PLCXD3: variants seen among roughly 807,000 people sequenced by gnomAD.
PLCXD3 encodes the protein phosphatidylinositol specific phospholipase C X domain containing 3.
A neutral mutation model predicts 25.5 loss-of-function variants in PLCXD3; 19 were observed. The observed-to-expected ratio is 0.75, with a 90% CI of 0.52 to 1.09. The LOEUF (loss-of-function observed/expected upper bound fraction) is 1.09. Ranked by LOEUF, PLCXD3 falls within the 50% of genes least tolerant of loss-of-function variation. The pLI is 0.00. For missense variants in PLCXD3, 411 were observed against 388.1 expected (o/e 1.06, Z -0.50); for synonymous variants, 174 against 137.6 (o/e 1.26, Z -1.85).
chr5:41,357,765 G>A (rs906322483), intron 2 of PLCXD3, among the ~76,000 whole-genome samples: 1 of 152,110 alleles, frequency 6.6e-6, no homozygotes, highest in Non-Finnish European at 1.5e-5. Flanking sequence ...TAAAAATAAT[G>A]ATATGTATAA....
At chr5:41,424,079 A>G (rs1746892418) in intron 1 of PLCXD3, among the ~76,000 whole-genome samples, 1 of 152,162 alleles carries the variant, frequency 6.6e-6, no homozygotes, top group South Asian at 2.1e-4. Flanking sequence ...GCAAAATTCA[A>G]ACTTTCTACC....
chr5:41,444,864 T>C (rs1240637326), intron 1 of PLCXD3, among the ~76,000 whole-genome samples: 2 of 152,162 alleles, frequency 1.3e-5, no homozygotes, highest in African/African-American at 4.8e-5. Flanking sequence ...GTATAATAGT[T>C]TTCTATTAGT....
At chr5:41,510,055 G>C (rs640185) in intron 1 of PLCXD3, among the ~76,000 whole-genome samples, 168 of 152,218 alleles carry the variant, frequency 1.1e-3, no homozygotes, top group African/African-American at 3.9e-3. Context: ...CTTCACACAC[G>C]GTCACCCCGC....
At chr5:41,372,320 A>T (rs1745125243) in intron 2 of PLCXD3, among the ~76,000 whole-genome samples, 2 of 147,430 alleles carry the variant, frequency 1.4e-5, no homozygotes, top group African/African-American at 2.5e-5. Context: ...ACACACACAC[A>T]CACACACACA....
intron 1 of PLCXD3, among the ~76,000 whole-genome samples, chr5:41,412,778 G>T (rs533197931): frequency 2.7e-4 from 41 of 152,178 alleles, no homozygotes; most frequent in Non-Finnish European, 4.0e-4. Context: ...AAAAGGACTT[G>T]ATATTGTCTG....
At chr5:41,317,105 G>T (rs1329769189) in intron 2 of PLCXD3, among the ~76,000 whole-genome samples, 4 of 152,232 alleles carry the variant, frequency 2.6e-5, no homozygotes, top group Non-Finnish European at 5.9e-5. Context: ...AGTCATAGTA[G>T]TGGTGGCCAC....
chr5:41,399,312 A>G (rs1746107792), intron 1 of PLCXD3, among the ~76,000 whole-genome samples: 1 of 152,198 alleles, frequency 6.6e-6, no homozygotes, highest in Admixed American at 6.5e-5. Context: ...TCAAAATACT[A>G]ATGACATTCT....
At position 41,346,097 on chromosome 5, in the gene PLCXD3, T is replaced by C. The variant is rs1580314727; in HGVS notation, c.813-32327A>G. Among the ~76,000 whole-genome samples the C allele has an allele frequency of 5.3e-5, 8 of 152,242 alleles. No individual in the cohort carries two copies. In the East Asian group the frequency reaches 7.7e-4, roughly 15 times the overall value. The stretch of plus-strand genomic sequence containing the variant: ...GGTTTCACCATGTTGGCGTGGCTGG[T>C]CTCGAACTCCTGACCTCAGGTGATC... On this transcript the variant is annotated intron_variant, in intron 2 of 2. Coordinates refer to ENST00000377801, the MANE Select transcript of PLCXD3 (RefSeq NM_001005473.3).
chr5:41,432,343 A>G (rs775785435), intron 1 of PLCXD3, among the ~76,000 whole-genome samples: 1 of 152,230 alleles, frequency 6.6e-6, no homozygotes, highest in Non-Finnish European at 1.5e-5. Context: ...AAGTTTATCG[A>G]AGCTTTAAAA....
chr5:41,336,250 G>A (rs1743976559), intron 2 of PLCXD3, among the ~76,000 whole-genome samples: 1 of 152,134 alleles, frequency 6.6e-6, no homozygotes, highest in Admixed American at 6.6e-5. Context: ...ATGGCATAGA[G>A]GATAAGAGTG....
intron 1 of PLCXD3, among the ~76,000 whole-genome samples, chr5:41,391,140 A>G (rs985140989): frequency 2.0e-5 from 3 of 152,176 alleles, no homozygotes; most frequent in African/African-American, 4.8e-5. Flanking sequence ...AGTCTAGACC[A>G]TAAGGACTGC....
At chr5:41,376,985 T>G (rs551745529) in intron 2 of PLCXD3, among the ~76,000 whole-genome samples, 14 of 152,132 alleles carry the variant, frequency 9.2e-5, no homozygotes, top group Non-Finnish European at 1.8e-4. Flanking sequence ...GTCTCACAAA[T>G]AGCAGGGAGA....
chr5:41,390,547 G>C (rs1745780531), intron 1 of PLCXD3, among the ~76,000 whole-genome samples: 1 of 152,052 alleles, frequency 6.6e-6, no homozygotes, highest in South Asian at 2.1e-4. Context: ...TTAGTCATTT[G>C]AGTGGTTGTA....
At chr5:41,397,398 C>T (rs560995951) in intron 1 of PLCXD3, among the ~76,000 whole-genome samples, 15 of 152,200 alleles carry the variant, frequency 9.9e-5, no homozygotes, top group Non-Finnish European at 2.2e-4. Flanking sequence ...GGTTTAGGGC[C>T]TTCAGGTGCA....
intron 1 of PLCXD3, among the ~76,000 whole-genome samples, chr5:41,401,024 T>A (rs894040122): frequency 6.6e-6 from 1 of 151,800 alleles, no homozygotes. Flanking sequence ...TAAAAAAGAA[T>A]ATAGTGTGCT....
chr5:41,464,407 G>T (rs1747965041), intron 1 of PLCXD3, among the ~76,000 whole-genome samples: 2 of 152,024 alleles, frequency 1.3e-5, no homozygotes, highest in East Asian at 3.9e-4. Flanking sequence ...GAGAACGGTA[G>T]AATGCATATG....
chr5:41,410,444 C>A (rs555383986), intron 1 of PLCXD3, among the ~76,000 whole-genome samples: 59 of 151,940 alleles, frequency 3.9e-4, no homozygotes, highest in Non-Finnish European at 7.4e-4. Context: ...TGCCCGTCCC[C>A]CGCCCCCCAG....
intron 1 of PLCXD3, among the ~76,000 whole-genome samples, chr5:41,451,096 G>GGAAAACAAT (rs1747619561): frequency 6.6e-6 from 1 of 151,848 alleles, no homozygotes. Context: ...ATGGATTCTG[G>GGAAAACAAT]GAAAACAATG....
At chr5:41,328,429 C>T (rs554589427) in intron 2 of PLCXD3, among the ~76,000 whole-genome samples, 5 of 152,292 alleles carry the variant, frequency 3.3e-5, no homozygotes, top group African/African-American at 9.6e-5. Flanking sequence ...GGGATAATAA[C>T]GTCCTGGTGC....
Sources: gnomAD v4.1 joint callset for allele counts (sites outside exome capture counted in the v4.1 genomes callset) on GRCh38, gnomAD v4.1.1 for gene constraint, MANE v1.5 for transcripts, NCBI Gene and HGNC (gene_info 2026-07-23, HGNC 2026-07-21) for gene names.